CTNND1: variants seen among roughly 807,000 people sequenced by gnomAD.
The protein encoded by CTNND1 is catenin delta-1.
CTNND1 carries 16 observed loss-of-function variants against 112.1 expected under a neutral mutation model. The ratio of observed to expected loss-of-function variants is 0.14; its 90% CI spans 0.10 to 0.22. The LOEUF is 0.22. CTNND1 is among the 10% of genes least tolerant of loss of function. The pLI, the probability that CTNND1 is intolerant of heterozygous loss-of-function variation, is 1.00. For missense variants in CTNND1, 1,008 were observed against 1,257.0 expected (o/e 0.80, Z 3.00); for synonymous variants, 420 against 446.5 (o/e 0.94, Z 0.75).
At chr11:57,780,409 T>C (rs999371337) in intron 1 of CTNND1, among the ~76,000 whole-genome samples, 1 of 152,178 alleles carries the variant, frequency 6.6e-6, no homozygotes, top group African/African-American at 2.4e-5. Context: ...CTTTCCACTT[T>C]ATCAAGAAGG....
rs371819372 is a variant in CTNND1 at position 57,796,956 on chromosome 11, G to A, written c.920G>A (p.Arg307Gln). 16 of 1,525,934 alleles carry A rather than the reference G, an allele frequency of 1.0e-5. No individual in the cohort carries two copies. The Admixed American group carries it at 1.4e-4, about 13-fold the overall frequency. The allele number at this position is 1,525,934 out of a possible 1,614,324, so 94.5% of individuals were successfully genotyped here. ...GMMSDYGTAR[R>Q]TGTPSDPRRR... ...ATGTCTGATTATGGCACTGCCCGTCGGACTGGGACACCCTCTGACCCTCGT... is the reference window on the plus strand; with the variant it reads ...ATGTCTGATTATGGCACTGCCCGTCAGACTGGGACACCCTCTGACCCTCGT... The change falls in exon 6 of 21, where the codon CGG becomes CAG. Residue 307 changes from arginine (R) to glutamine (Q), a missense_variant. Transcript: ENST00000399050.
At chr11:57,793,867 C>A in intron 3 of CTNND1, 143 bp from the exon 4 acceptor site, 2 of 726,018 alleles carry the variant, frequency 2.8e-6, no homozygotes, top group South Asian at 1.7e-5. Context: ...GTGAATGGTT[C>A]TTTTATGAGT....
In CTNND1 at chr11:57,817,953, T is replaced by C. The variant is rs1347813609; in HGVS notation, c.*1645T>C. On this transcript the variant is annotated 3_prime_UTR_variant, in exon 21 of 21. Coordinates refer to ENST00000399050, the MANE Select transcript of CTNND1 (RefSeq NM_001085458.2). ...TTATCCCTCTCTTCCCCTTCCCTTA[T>C]ATATTGAGGCTATGGGGTAGGAGAA... The C allele has an allele frequency of 2.0e-5, 3 of 152,556 alleles. No homozygotes were observed. Among genetic ancestry groups the C allele is most frequent in the Admixed American group, 1.3e-4 (2 of 15,262 alleles). 9.5% of individuals were successfully genotyped at this position (152,556 alleles called of 1,614,324 possible).
chr11:57,807,605 C>CA (rs71470294), intron 12 of CTNND1, among the ~76,000 whole-genome samples: 10,186 of 28,990 alleles, frequency 0.35, 1,959 homozygotes, highest in Non-Finnish European at 0.47. Context: ...AACTCCGTCT[C>CA]AAAAAAAAAA....
intron 17 of CTNND1, among the ~76,000 whole-genome samples, chr11:57,812,576 T>C (rs768871819): frequency 2.6e-5 from 4 of 152,222 alleles, no homozygotes; most frequent in Non-Finnish European, 5.9e-5. Flanking sequence ...TACATCTTTT[T>C]AATATTCTGT....
chr11:57,814,157 G>A, intron 17 of CTNND1, 154 bp from the exon 18 acceptor site: 1 of 619,264 alleles, frequency 1.6e-6, no homozygotes, highest in East Asian at 2.9e-5. Flanking sequence ...TCTACAAAAA[G>A]CTTAAAAATT....
chr11:57,789,742 C>T (rs1236044157), intron 2 of CTNND1, among the ~76,000 whole-genome samples: 1 of 152,142 alleles, frequency 6.6e-6, no homozygotes, highest in Non-Finnish European at 1.5e-5. Context: ...GCATTCAAAG[C>T]TGTCCTGGGC....
At chr11:57,789,842 G>C (rs1029590194) in intron 2 of CTNND1, among the ~76,000 whole-genome samples, 1 of 152,196 alleles carries the variant, frequency 6.6e-6, no homozygotes, top group Non-Finnish European at 1.5e-5. Flanking sequence ...AGCCATTGAC[G>C]TGTGGAGGTT....
intron 7 of CTNND1, 43 bp downstream of exon 7, chr11:57,802,239 C>A: frequency 6.7e-7 from 1 of 1,501,076 alleles, no homozygotes; most frequent in Non-Finnish European, 9.1e-7. Context: ...CAGTGTTACT[C>A]TCTAGTGATG....
At chr11:57,786,191 T>G (rs1265542684) in intron 1 of CTNND1, among the ~76,000 whole-genome samples, 1 of 2,154 alleles carries the variant, frequency 4.6e-4, no homozygotes, top group Non-Finnish European at 0.071. Context: ...AATTCTTTGA[T>G]TTTTTTTTTT....
At chr11:57,783,615 C>T (rs528561634) in intron 1 of CTNND1, among the ~76,000 whole-genome samples, 4 of 151,512 alleles carry the variant, frequency 2.6e-5, no homozygotes, top group East Asian at 3.9e-4. Context: ...GCCGAGATCG[C>T]GCCACTGCAC....
chr11:57,794,170 C>A, intron 4 of CTNND1, 89 bp downstream of exon 4: 2 of 1,151,854 alleles, frequency 1.7e-6, no homozygotes, highest in Non-Finnish European at 2.6e-6. Context: ...TTGTAAGGTG[C>A]CTGGCACATT....
intron 1 of CTNND1, among the ~76,000 whole-genome samples, chr11:57,778,234 C>T (rs550395250): frequency 2.6e-5 from 4 of 152,068 alleles, no homozygotes; most frequent in Non-Finnish European, 5.9e-5. Flanking sequence ...TCTGTGGAGC[C>T]TGTCTTAGTA....
Position 57,767,393 on chromosome 11 carries a change from C to T in CTNND1, c.-214+5274C>T, listed in dbSNP as rs192238416. ...TTCTCAACTTTTTATTTCAAACTTG[C>T]AGGAAAGTTGCTCTAGCACAGTAAC... On this transcript the variant is annotated intron_variant, in intron 1 of 20. Transcript: ENST00000399050. Among the ~76,000 whole-genome samples the T allele has an allele frequency of 2.0e-4, 31 of 152,292 alleles. No homozygotes were observed. The East Asian group carries it at 2.9e-3, about 14-fold the overall frequency.
intron 4 of CTNND1, 46 bp downstream of exon 4, chr11:57,794,127 T>C (rs746192769): frequency 2.6e-6 from 4 of 1,549,128 alleles, no homozygotes; most frequent in Non-Finnish European, 2.7e-6. Context: ...CATATTTTCT[T>C]ATTTCCCCAG....
chr11:57,811,682 C>A (rs1053327370), intron 17 of CTNND1, among the ~76,000 whole-genome samples, 196 bp downstream of exon 17: 1 of 152,182 alleles, frequency 6.6e-6, no homozygotes, highest in South Asian at 2.1e-4. Flanking sequence ...AGGTAATTAG[C>A]CTGAATGTGA....
chr11:57,811,327 T>G (rs1319894841), intron 16 of CTNND1, 72 bp from the exon 17 acceptor site: 1 of 1,237,808 alleles, frequency 8.1e-7, no homozygotes, highest in Non-Finnish European at 1.2e-6. Context: ...CCTAGAGGTT[T>G]ATGCCCATTA....
chr11:57,803,998 T>C (rs1164766351), intron 8 of CTNND1, 194 bp downstream of exon 8: 4 of 439,416 alleles, frequency 9.1e-6, no homozygotes, highest in Non-Finnish European at 1.6e-5. Flanking sequence ...TATATCAGTT[T>C]TCTTGCTGTT....
chr11:57,773,367 A>T (rs1202525765), intron 1 of CTNND1, among the ~76,000 whole-genome samples: 1 of 151,766 alleles, frequency 6.6e-6, no homozygotes, highest in Non-Finnish European at 1.5e-5. Context: ...TCCTGGGCTC[A>T]AGTGATCCTC....
Sources: allele counts gnomAD v4.1 joint callset (sites outside exome capture counted in the v4.1 genomes callset), GRCh38; gene constraint gnomAD v4.1.1; transcripts MANE v1.5; gene names NCBI Gene and HGNC (gene_info 2026-07-23, HGNC 2026-07-21).